The following DNAH9 variants were observed in gnomAD, a reference collection of about 807,000 sequenced individuals.
DNAH9 encodes dynein axonemal heavy chain 9.
DNAH9 carries 345 observed loss-of-function variants against 471.6 expected under a neutral mutation model. The ratio of observed to expected loss-of-function variants is 0.73; its 90% confidence interval spans 0.67 to 0.80. The LOEUF (loss-of-function observed/expected upper bound fraction) is 0.80, where lower values mean the gene tolerates loss of function less well. Among genes scored for constraint, DNAH9 ranks in the 30% least tolerant of loss-of-function variants. The pLI is 0.00. For missense variants in DNAH9, 5,407 were observed against 5,609.2 expected, an observed-to-expected ratio of 0.96 and a Z score of 1.15; for synonymous variants, 2,093 against 2,123.6, an observed-to-expected ratio of 0.99 and a Z score of 0.40.
chr17:11,798,017 C>T (rs78581519), intron 43 of DNAH9, among the ~76,000 whole-genome samples: 8,144 of 152,132 alleles, frequency 0.054, 303 homozygotes, highest in South Asian at 0.18. Flanking sequence ...TTTCCAGGTC[C>T]GCCATTTGCT....
rs900667330 is a variant in DNAH9 at position 11,623,611 on chromosome 17, A to G, written c.1350+3830A>G. 2.6e-5 allele frequency among the ~76,000 whole-genome samples: 4 copies of G among 152,096 alleles called. No homozygotes were observed. Among genetic ancestry groups the G allele is most frequent in the Non-Finnish European group, 4.4e-5 (3 of 68,026 alleles). ...AGCTGTCCTCTGGCATATTTCATGT[A>G]GGCCTTTAGTTAATATTCTGTGTAT... On this transcript the variant is annotated intron_variant, in intron 6 of 68. Transcript: ENST00000262442. This position sits in a 1 kb window ranked among gnomAD's most constrained non-coding sequence, Gnocchi z 4.1.
At chr17:11,810,497 C>A in intron 45 of DNAH9, 128 bp downstream of exon 45, 1 of 1,216,980 alleles carries the variant, frequency 8.2e-7, no homozygotes, top group Non-Finnish European at 1.1e-6. Flanking sequence ...CTGACACAGC[C>A]AAGGACTGGT....
intron 62 of DNAH9, among the ~76,000 whole-genome samples, chr17:11,927,703 T>A (rs903733370): frequency 1.3e-5 from 2 of 152,110 alleles, no homozygotes; most frequent in Non-Finnish European, 2.9e-5. Flanking sequence ...GCTTCTCTGG[T>A]CCTGGGTGAG....
chr17:11,713,246 T>C (rs1022727953), intron 26 of DNAH9, among the ~76,000 whole-genome samples: 1 of 152,342 alleles, frequency 6.6e-6, no homozygotes, highest in Middle Eastern at 3.4e-3. Context: ...TTCTTTTTTA[T>C]GGCTGCATAG....
chr17:11,877,598 C>T (rs1044514966), intron 53 of DNAH9, among the ~76,000 whole-genome samples: 9 of 151,146 alleles, frequency 6.0e-5, no homozygotes, highest in African/African-American at 2.2e-4. Flanking sequence ...AGCTTTGTTG[C>T]TCTGGCCACG....
intron 66 of DNAH9, among the ~76,000 whole-genome samples, chr17:11,938,180 A>C (rs1273098867): frequency 6.6e-6 from 1 of 152,006 alleles, no homozygotes; most frequent in Non-Finnish European, 1.5e-5. Context: ...CTGAAGATAA[A>C]GAAAGAATGG....
At chr17:11,872,632 G>A (rs1972316234) in intron 52 of DNAH9, among the ~76,000 whole-genome samples, 2 of 152,284 alleles carry the variant, frequency 1.3e-5, no homozygotes, top group East Asian at 1.9e-4. Context: ...AGAAGTCAGC[G>A]AAGGTGGGCC....
intron 13 of DNAH9, among the ~76,000 whole-genome samples, chr17:11,651,998 GA>G (rs1012463835): frequency 1.9e-4 from 29 of 148,812 alleles, no homozygotes; most frequent in African/African-American, 5.7e-4. Context: ...GTTAAAGTTT[GA>G]AAAAAAAAGA....
intron 17 of DNAH9, among the ~76,000 whole-genome samples, chr17:11,672,972 C>A (rs1249155284): frequency 6.6e-6 from 1 of 152,128 alleles, no homozygotes; most frequent in Non-Finnish European, 1.5e-5. Context: ...CAGAGTCTAT[C>A]ATCCTTGGTC....
intron 12 of DNAH9, 136 bp from the exon 13 acceptor site, chr17:11,650,933 G>T: frequency 1.1e-6 from 1 of 889,844 alleles, no homozygotes; most frequent in Non-Finnish European, 1.7e-6. Context: ...CTAGATTTAA[G>T]AAACTGATAG....
chr17:11,936,455 C>T (rs763567129), intron 65 of DNAH9, among the ~76,000 whole-genome samples: 11 of 152,088 alleles, frequency 7.2e-5, no homozygotes, highest in Non-Finnish European at 1.2e-4. Context: ...CATAGTGAGA[C>T]CTCATCTCTA....
Position 11,742,313 on chromosome 17 carries a change from G to T in DNAH9, c.6111G>T (p.Gln2037His). ...YQLCKELLSK[Q>H]DHYDWGLRAI... is the part of the protein sequence containing the mutation. ...TGTGCAAAGAGCTTCTCTCCAAACA[G>T]GTAGGATCTCTAGGGAGGCTGTACA... Residue 2037 changes from glutamine (Q) to histidine (H), a missense_variant and splice_region_variant, in exon 30 of 69, where the codon CAG (glutamine) becomes CAT (histidine). By Grantham distance (24) the Gln-to-His change is conservative (BLOSUM62 0). Transcript: ENST00000262442. The T allele has an allele frequency of 6.2e-7, 1 of 1,614,058 alleles. No homozygotes were observed. The highest frequency in any genetic ancestry group is 8.5e-7 in the Non-Finnish European group (1 of 1,179,974).
intron 59 of DNAH9, among the ~76,000 whole-genome samples, 155 bp downstream of exon 59, chr17:11,894,651 AGCTCATCTTTCCTGG>A (rs1347028179): frequency 3.3e-5 from 5 of 152,154 alleles, no homozygotes; most frequent in Non-Finnish European, 5.9e-5. Context: ...CCCCACAGTG[AGCTCATCTTTCCTGG>A]GCCTGCAGAG....
chr17:11,656,669 T>C (rs1475273458), intron 14 of DNAH9, among the ~76,000 whole-genome samples: 1 of 152,188 alleles, frequency 6.6e-6, no homozygotes. Flanking sequence ...TTTTTACAAA[T>C]GTATACACTC....
Position 11,822,516 on chromosome 17 carries a change from G to A in DNAH9, c.8929G>A (p.Ala2977Thr), listed in dbSNP as rs370252772. The change falls in exon 47 of 69, where the codon GCC becomes ACC. Residue 2977 changes from alanine to threonine, a missense_variant. Physicochemically the swap from Ala to Thr is moderately conservative, Grantham distance 58. This residue lies in a region of DNAH9 where 4,636 missense variants were observed against 4,900.3 expected (regional missense o/e 0.95). Coordinates refer to ENST00000262442, the MANE Select transcript of DNAH9 (RefSeq NM_001372.4). ...RKFPAIVNCT[A>T]IHWFHEWPQQ... ...GTTCCCAGCCATTGTGAACTGCACA[G>A]CCATCCACTGGTTCCACGAGTGGCC... 1 of 1,614,202 alleles carries A rather than the reference G, an allele frequency of 6.2e-7. No individual in the cohort carries two copies. Among genetic ancestry groups the A allele is most frequent in the Non-Finnish European group, 8.5e-7 (1 of 1,180,044 alleles).
chr17:11,624,516 AAAG>A (rs2072935797), intron 6 of DNAH9, among the ~76,000 whole-genome samples: 1 of 152,058 alleles, frequency 6.6e-6, no homozygotes, highest in African/African-American at 2.4e-5. Flanking sequence ...CTCAAAAAAA[AAAG>A]AAAAGAAAAG....
At chr17:11,875,872 T>G (rs183963774) in intron 53 of DNAH9, 10 of 152,362 alleles carry the variant, frequency 6.6e-5, no homozygotes, top group African/African-American at 2.2e-4. Context: ...TTCTATGTCA[T>G]CAGGACACCT....
intron 45 of DNAH9, among the ~76,000 whole-genome samples, chr17:11,816,336 T>G (rs1970093574): frequency 6.6e-6 from 1 of 152,238 alleles, no homozygotes; most frequent in African/African-American, 2.4e-5. Flanking sequence ...TGCAGAGTCT[T>G]GTTTTTCATC....
chr17:11,788,162 A>G (rs1432855601), intron 41 of DNAH9, among the ~76,000 whole-genome samples: 4 of 152,206 alleles, frequency 2.6e-5, no homozygotes, highest in African/African-American at 7.2e-5. Flanking sequence ...TTCAACTGAT[A>G]GCTTGCCTCA....
Sources: allele counts gnomAD v4.1 joint callset (sites outside exome capture counted in the v4.1 genomes callset), GRCh38; gene constraint gnomAD v4.1.1; regional missense constraint gnomAD v4.1.1; non-coding constraint Gnocchi (gnomAD v3.1); transcripts MANE v1.5; gene names NCBI Gene and HGNC (gene_info 2026-07-23, HGNC 2026-07-21).